Variants in ADAMTS17 observed in about 807,000 individuals in gnomAD.
ADAMTS17 encodes the protein A disintegrin and metalloproteinase with thrombospondin motifs 17.
ADAMTS17 carries 113 observed loss-of-function variants against 141.5 expected under a neutral mutation model. That is an observed-to-expected ratio of 0.80 (90% CI 0.69 to 0.93). The LOEUF is 0.93. Among genes scored for constraint, ADAMTS17 ranks in the 40% least tolerant of loss-of-function variants. The probability of loss-of-function intolerance (pLI) is 0.00; values close to 1 mark genes in which losing one functional copy is unlikely to be tolerated. For missense variants in ADAMTS17, 1,659 were observed against 1,517.9 expected, an observed-to-expected ratio of 1.09 and a Z score of -1.54; for synonymous variants, 768 against 630.6, an observed-to-expected ratio of 1.22 and a Z score of -3.27.
At chr15:100,253,877 C>T (rs188219238) in intron 7 of ADAMTS17, among the ~76,000 whole-genome samples, 19 of 152,234 alleles carry the variant, frequency 1.2e-4, no homozygotes, top group East Asian at 1.2e-3. Flanking sequence ...CCCCTTGGAA[C>T]GGCCTGGTGG....
chr15:100,133,447 T>C, intron 10 of ADAMTS17, 132 bp from the exon 11 acceptor site: 1 of 804,850 alleles, frequency 1.2e-6, no homozygotes, highest in Admixed American at 2.0e-5. Context: ...CAGAGGGTCA[T>C]AAGTCTGTAT....
At chr15:100,312,871 C>T (rs2045447875) in intron 3 of ADAMTS17, among the ~76,000 whole-genome samples, 1 of 152,138 alleles carries the variant, frequency 6.6e-6, no homozygotes, top group Non-Finnish European at 1.5e-5. Context: ...GGGTGACCTC[C>T]ATTAAGTAAT....
chr15:100,244,573 G>GA (rs1181478763), intron 7 of ADAMTS17, among the ~76,000 whole-genome samples: 2 of 152,126 alleles, frequency 1.3e-5, no homozygotes, highest in African/African-American at 4.8e-5. Flanking sequence ...GTTTCATAAA[G>GA]AAGAGTCATG....
At chr15:100,033,600 G>A (rs952166211) in intron 18 of ADAMTS17, among the ~76,000 whole-genome samples, 12 of 152,150 alleles carry the variant, frequency 7.9e-5, no homozygotes, top group Admixed American at 2.6e-4. Context: ...AGAACACCTC[G>A]GTTTTCTTTA....
At chr15:100,327,308 A>G (rs1193807351) in intron 3 of ADAMTS17, among the ~76,000 whole-genome samples, 1 of 152,250 alleles carries the variant, frequency 6.6e-6, no homozygotes, top group East Asian at 1.9e-4. Context: ...TTATAATGCT[A>G]TAAATGAACA....
intron 8 of ADAMTS17, among the ~76,000 whole-genome samples, chr15:100,176,109 G>A (rs901315716): frequency 6.6e-6 from 1 of 152,180 alleles, no homozygotes; most frequent in Non-Finnish European, 1.5e-5. Context: ...GCATTTCTAT[G>A]CTTTCAGAAC....
At chr15:100,263,857 C>T (rs2043615852) in intron 4 of ADAMTS17, among the ~76,000 whole-genome samples, 1 of 152,224 alleles carries the variant, frequency 6.6e-6, no homozygotes, top group African/African-American at 2.4e-5. Context: ...GCTATCAATA[C>T]ATCAGCATCA....
At chr15:100,084,019 G>A (rs760593955) in intron 15 of ADAMTS17, among the ~76,000 whole-genome samples, 25 of 152,018 alleles carry the variant, frequency 1.6e-4, no homozygotes, top group Non-Finnish European at 2.9e-4. Context: ...GCAGTGCACC[G>A]TGAGTGAGCC....
At chr15:99,994,450 C>CT (rs1166330468) in intron 19 of ADAMTS17, among the ~76,000 whole-genome samples, 1 of 115,624 alleles carries the variant, frequency 8.6e-6, no homozygotes. Context: ...ACCCCAATCT[C>CT]TTAAAAAAAA....
intron 18 of ADAMTS17, among the ~76,000 whole-genome samples, chr15:100,034,265 A>G (rs987859332): frequency 2.6e-5 from 4 of 152,252 alleles, no homozygotes; most frequent in Non-Finnish European, 4.4e-5. Context: ...GTCTGCTGGC[A>G]AGAGACCATG....
intron 12 of ADAMTS17, among the ~76,000 whole-genome samples, chr15:100,119,616 G>A (rs1213872922): frequency 6.6e-6 from 1 of 152,220 alleles, no homozygotes; most frequent in East Asian, 1.9e-4. Flanking sequence ...ACCTCTGACA[G>A]TGAGGAGGCG....
rs190009919 is a variant in ADAMTS17 at position 100,250,969 on chromosome 15, T to G, written c.1075+3167A>C. On this transcript the variant is annotated intron_variant, in intron 7 of 21. Coordinates refer to ENST00000268070, the MANE Select transcript of ADAMTS17 (RefSeq NM_139057.4). The stretch of plus-strand genomic sequence containing the variant: ...TGCCATAACCCCAGTTTTTATATTT[T>G]TCTGTTCATCGAATCATCCCATTGT... 5.5e-3 allele frequency among the ~76,000 whole-genome samples: 832 copies of G among 152,358 alleles called. 6 individuals carry two copies. Among genetic ancestry groups the G allele is most frequent in the Middle Eastern group, 0.02 (6 of 294 alleles).
intron 15 of ADAMTS17, among the ~76,000 whole-genome samples, chr15:100,092,011 G>A (rs1173708715): frequency 6.6e-6 from 1 of 152,192 alleles, no homozygotes; most frequent in Admixed American, 6.5e-5. Flanking sequence ...ACGAAGACCA[G>A]AAGGGTGTTA....
At chr15:100,188,230 C>T (rs2040791119) in intron 8 of ADAMTS17, among the ~76,000 whole-genome samples, 1 of 152,088 alleles carries the variant, frequency 6.6e-6, no homozygotes, top group African/African-American at 2.4e-5. Flanking sequence ...GCATGCACCA[C>T]CATGCCCAGC....
intron 15 of ADAMTS17, among the ~76,000 whole-genome samples, chr15:100,079,598 G>A (rs1221261667): frequency 6.6e-6 from 1 of 152,192 alleles, no homozygotes; most frequent in African/African-American, 2.4e-5. Context: ...TGACTGTGGT[G>A]ATATGGCACC....
intron 3 of ADAMTS17, among the ~76,000 whole-genome samples, chr15:100,293,295 G>A (rs1483738395): frequency 6.6e-6 from 1 of 152,168 alleles, no homozygotes; most frequent in African/African-American, 2.4e-5. Flanking sequence ...TTTGTTTCCT[G>A]AATCAGAATG....
chr15:99,976,417 G>A (rs1168083506), intron 20 of ADAMTS17, 195 bp from the exon 21 acceptor site: 2 of 734,034 alleles, frequency 2.7e-6, no homozygotes, highest in Non-Finnish European at 4.6e-6. Flanking sequence ...GAGGTCAGGG[G>A]GCTGGGACGA....
At chr15:100,032,267 C>T (rs1193230437) in intron 18 of ADAMTS17, among the ~76,000 whole-genome samples, 6 of 152,154 alleles carry the variant, frequency 3.9e-5, no homozygotes, top group African/African-American at 1.4e-4. Context: ...AGAAAGTGTG[C>T]TTGTCTCAGA....
intron 8 of ADAMTS17, among the ~76,000 whole-genome samples, chr15:100,173,977 C>T (rs79196444): frequency 6.6e-6 from 1 of 152,354 alleles, no homozygotes; most frequent in East Asian, 1.9e-4. Context: ...TTCTCCTACT[C>T]TGAGCTGAGA....
Sources: gnomAD v4.1 joint callset for allele counts (sites outside exome capture counted in the v4.1 genomes callset) on GRCh38, gnomAD v4.1.1 for gene constraint, MANE v1.5 for transcripts, NCBI Gene and HGNC (gene_info 2026-07-23, HGNC 2026-07-21) for gene names.